SEMA6D: variants seen among roughly 807,000 people sequenced by gnomAD.
SEMA6D encodes the protein semaphorin 6D.
In SEMA6D, 35 loss-of-function variants were observed where a neutral mutation model predicts 106.6. The ratio of observed to expected loss-of-function variants is 0.33; its 90% CI spans 0.25 to 0.44. The LOEUF (loss-of-function observed/expected upper bound fraction) is 0.44. Among genes scored for constraint, SEMA6D ranks in the 20% least tolerant of loss-of-function variants. SEMA6D has a pLI of 1.00. For synonymous variants in SEMA6D, 499 were observed against 487.7 expected, an observed-to-expected ratio of 1.02 and a Z score of -0.31; for missense variants, 1,185 against 1,345.9, an observed-to-expected ratio of 0.88 and a Z score of 1.87.
At chr15:47,699,478 C>T (rs1596674032) in intron 4 of SEMA6D, among the ~76,000 whole-genome samples, 1 of 152,208 alleles carries the variant, frequency 6.6e-6, no homozygotes, top group Non-Finnish European at 1.5e-5. Flanking sequence ...TGCATTTTCA[C>T]CACATCAAAT....
At chr15:47,377,133 TTATTAAATTTTAAATGA>T (rs2039476260) in intron 1 of SEMA6D, among the ~76,000 whole-genome samples, 1 of 152,222 alleles carries the variant, frequency 6.6e-6, no homozygotes, top group South Asian at 2.1e-4. Flanking sequence ...CCACCTTGAA[TTATTAAATTTTAAATGA>T]GCAAATTAAT....
chr15:47,578,027 A>G (rs1344023908), intron 3 of SEMA6D, among the ~76,000 whole-genome samples: 1 of 152,176 alleles, frequency 6.6e-6, no homozygotes, highest in African/African-American at 2.4e-5. Context: ...AGCACTTTGG[A>G]TGCATGACAT....
chr15:47,286,109 G>A (rs1204401822), intron 1 of SEMA6D, among the ~76,000 whole-genome samples: 2 of 152,102 alleles, frequency 1.3e-5, no homozygotes, highest in African/African-American at 4.8e-5. Flanking sequence ...ACTCTGGGTT[G>A]GACCTGTCTA....
At chr15:47,403,785 G>C (rs1483495070) in intron 1 of SEMA6D, among the ~76,000 whole-genome samples, 2 of 152,158 alleles carry the variant, frequency 1.3e-5, no homozygotes, top group Non-Finnish European at 2.9e-5. Flanking sequence ...GCCGGTGTGG[G>C]AGATGGGGCT....
chr15:47,418,569 C>A (rs758922221), intron 2 of SEMA6D, among the ~76,000 whole-genome samples: 1 of 151,848 alleles, frequency 6.6e-6, no homozygotes, highest in Non-Finnish European at 1.5e-5. Flanking sequence ...AGGGCTATAC[C>A]CTCATAACCT....
At chr15:47,411,967 T>C (rs1355955924) in intron 1 of SEMA6D, among the ~76,000 whole-genome samples, 1 of 152,078 alleles carries the variant, frequency 6.6e-6, no homozygotes, top group Admixed American at 6.5e-5. Context: ...AACTACCCAA[T>C]GTGTGGCCCA....
At chr15:47,630,629 G>C (rs1202197908) in intron 4 of SEMA6D, among the ~76,000 whole-genome samples, 2 of 151,606 alleles carry the variant, frequency 1.3e-5, no homozygotes, top group Non-Finnish European at 3.0e-5. Context: ...TCCCAATACT[G>C]TGTTGAATAA....
intron 4 of SEMA6D, among the ~76,000 whole-genome samples, chr15:47,621,739 G>A (rs2077103560): frequency 6.6e-6 from 1 of 152,060 alleles, no homozygotes. Context: ...GTGGCTCTAA[G>A]GACTTCACTT....
At chr15:47,394,024 A>AC (rs1280157371) in intron 1 of SEMA6D, among the ~76,000 whole-genome samples, 1 of 151,912 alleles carries the variant, frequency 6.6e-6, no homozygotes, top group African/African-American at 2.4e-5. Flanking sequence ...TTTGGACCCC[A>AC]CTCTCCCTGG....
chr15:47,431,258 T>A (rs1003370512), intron 2 of SEMA6D, among the ~76,000 whole-genome samples: 1 of 152,130 alleles, frequency 6.6e-6, no homozygotes, highest in Non-Finnish European at 1.5e-5. Flanking sequence ...TACAATTGAA[T>A]ATCATTTTTA....
chr15:47,588,884 A>C (rs540210602), intron 3 of SEMA6D, among the ~76,000 whole-genome samples: 9 of 152,316 alleles, frequency 5.9e-5, no homozygotes, highest in Non-Finnish European at 1.5e-5. Flanking sequence ...CCAAGGGGAC[A>C]CTTGGCAATC....
intron 2 of SEMA6D, among the ~76,000 whole-genome samples, chr15:47,432,420 A>G (rs896542868): frequency 6.6e-6 from 1 of 152,026 alleles, no homozygotes; most frequent in African/African-American, 2.4e-5. Flanking sequence ...TTGTTCTCTG[A>G]TTCTTTCTCT....
chr15:47,696,195 A>G (rs773378740), intron 4 of SEMA6D, among the ~76,000 whole-genome samples: 3 of 152,120 alleles, frequency 2.0e-5, no homozygotes, highest in Admixed American at 6.6e-5. Context: ...CTCGTTTTCA[A>G]TTCAAAATTT....
intron 1 of SEMA6D, among the ~76,000 whole-genome samples, chr15:47,228,137 T>TACACACACACAC (rs72361942): frequency 6.7e-5 from 9 of 135,076 alleles, no homozygotes; most frequent in African/African-American, 2.0e-4. Context: ...TGTGTGTGTG[T>TACACACACACAC]ACACACACAC....
intron 1 of SEMA6D, among the ~76,000 whole-genome samples, chr15:47,743,778 T>C (rs570665658): frequency 4.6e-5 from 7 of 152,282 alleles, no homozygotes; most frequent in African/African-American, 1.7e-4. Context: ...TGCTTTACCA[T>C]GCCCGAAATT....
rs533538780 is a variant in SEMA6D at position 47,533,977 on chromosome 15, ATTAACT to A, written c.-87+63438_-87+63443del. Among the ~76,000 whole-genome samples, 19 of 152,324 alleles carry A rather than the reference ATTAACT, an allele frequency of 1.2e-4. No individual in the cohort carries two copies. In the East Asian group the frequency reaches 3.1e-3, roughly 25 times the overall value. ...TTTCATTGTAAAATGTTACTGATAC[ATTAACT>A]TTAACCGAGGTGCAAAGACAGAGAC... is the stretch of plus-strand genomic sequence containing the variant. On this transcript the variant is annotated intron_variant, in intron 3 of 19. Transcript: ENST00000558014.
Position 47,526,648 on chromosome 15 carries a change from C to A in SEMA6D, c.-87+56103C>A, listed in dbSNP as rs192069769. 8.3e-4 allele frequency among the ~76,000 whole-genome samples: 126 copies of A among 152,254 alleles called. 1 individual carries two copies. The highest frequency in any genetic ancestry group is 3.4e-3 in the Middle Eastern group (1 of 292). On this transcript the variant is annotated intron_variant, in intron 3 of 19. Transcript: ENST00000558014. Reference sequence around the variant, plus strand: ...TGGGCAGCCAGCTTTTCTCCCCTGCCAGAAATGGTTTATGTTTGCTTGCTT... The same window carrying A: ...TGGGCAGCCAGCTTTTCTCCCCTGCAAGAAATGGTTTATGTTTGCTTGCTT...
intron 2 of SEMA6D, among the ~76,000 whole-genome samples, chr15:47,468,185 GT>G (rs1308029674): frequency 4.6e-5 from 7 of 152,078 alleles, no homozygotes; most frequent in Admixed American, 3.9e-4. Flanking sequence ...GTGCGGGTGT[GT>G]GTGTGTGTAT....
At chr15:47,269,117 A>T (rs934869745) in intron 1 of SEMA6D, among the ~76,000 whole-genome samples, 15 of 152,100 alleles carry the variant, frequency 9.9e-5, no homozygotes, top group African/African-American at 3.6e-4. Flanking sequence ...TTTCTATATT[A>T]TGTTTTTATG....
Sources: gnomAD v4.1 joint callset for allele counts (sites outside exome capture counted in the v4.1 genomes callset) on GRCh38, gnomAD v4.1.1 for gene constraint, MANE v1.5 for transcripts, NCBI Gene and HGNC (gene_info 2026-07-23, HGNC 2026-07-21) for gene names.